KCNQ1: variants seen among roughly 807,000 people sequenced by gnomAD.
The protein encoded by KCNQ1 is potassium voltage-gated channel subfamily KQT member 1.
Under a neutral mutation model 72.4 loss-of-function variants are expected in KCNQ1, and 49 were observed. The ratio of observed to expected loss-of-function variants is 0.68; its 90% CI spans 0.54 to 0.86. KCNQ1 has a LOEUF of 0.86. Among genes scored for constraint, KCNQ1 ranks in the 40% least tolerant of loss-of-function variants. KCNQ1 has a pLI of 0.00. For synonymous variants in KCNQ1, 450 were observed against 412.6 expected, an observed-to-expected ratio of 1.09 and a Z score of -1.10; for missense variants, 790 against 945.1, an observed-to-expected ratio of 0.84 and a Z score of 2.15.
At position 2,698,591 on chromosome 11, in the gene KCNQ1, G is replaced by A; in HGVS notation, c.1514+36510G>A. ...GACTCAGAATCCCCACCTAGAGGCA[G>A]AACTTCGACTTCAATTCCTGACTCC... On this transcript the variant is annotated intron_variant, in intron 11 of 15. Coordinates refer to ENST00000155840, the MANE Select transcript of KCNQ1 (RefSeq NM_000218.3). This position sits in a 1 kb window ranked among gnomAD's most constrained non-coding sequence, Gnocchi z 5.1. 2 of 398,170 alleles carry A rather than the reference G, an allele frequency of 5.0e-6. No individual in the cohort carries two copies. Among genetic ancestry groups the A allele is most frequent in the Non-Finnish European group, 8.8e-6 (2 of 226,030 alleles). 24.7% of individuals were successfully genotyped at this position (398,170 alleles called of 1,614,324 possible).
At position 2,462,326 on chromosome 11, in the gene KCNQ1, A is replaced by G. The variant is rs756780322; in HGVS notation, c.386+16842A>G. 2.0e-5 allele frequency among the ~76,000 whole-genome samples: 3 copies of G among 151,640 alleles called. No homozygotes were observed. The highest frequency in any genetic ancestry group is 6.6e-5 in the Admixed American group (1 of 15,238). Reference sequence around the variant, plus strand: ...GCCATCAGAGGCGATGTCTAGGGCCACCCCCTCTGACTTGCCTCCTCCTCC... The same window carrying G: ...GCCATCAGAGGCGATGTCTAGGGCCGCCCCCTCTGACTTGCCTCCTCCTCC... On this transcript the variant is annotated intron_variant, in intron 1 of 15. Coordinates refer to ENST00000155840, the MANE Select transcript of KCNQ1 (RefSeq NM_000218.3). The surrounding 1 kb of genome is among the most constrained non-coding windows in gnomAD (Gnocchi z 8.2).
rs181299502 is a variant in KCNQ1 at position 2,649,259 on chromosome 11, T to A, written c.1394-12702T>A. 8.2e-4 allele frequency: 328 copies of A among 398,480 alleles called. No homozygotes were observed. Among genetic ancestry groups the A allele is most frequent in the Middle Eastern group, 3.8e-3 (6 of 1,586 alleles). 24.7% of individuals were successfully genotyped at this position (398,480 alleles called of 1,614,324 possible). On this transcript the variant is annotated intron_variant, in intron 10 of 15. Coordinates refer to ENST00000155840, the MANE Select transcript of KCNQ1 (RefSeq NM_000218.3). Reference sequence around the variant, plus strand: ...GACTTACTCCTGTCATTTTATTGTTTTCTGACTGATTTGTATACTTTTGTT... The same window carrying A: ...GACTTACTCCTGTCATTTTATTGTTATCTGACTGATTTGTATACTTTTGTT...
intron 11 of KCNQ1, chr11:2,667,961 G>T: frequency 2.5e-6 from 1 of 398,674 alleles, no homozygotes. Context: ...CCCCCAGAAA[G>T]CCTCTCAGGC....
intron 11 of KCNQ1, chr11:2,684,705 CGGAG>C: frequency 2.5e-6 from 1 of 398,556 alleles, no homozygotes; most frequent in East Asian, 3.6e-5. Flanking sequence ...CTTGCTCAGG[CGGAG>C]GGGCCTGGAG....
At chr11:2,680,872 C>A (rs1256389141) in intron 11 of KCNQ1, 4 of 398,482 alleles carry the variant, frequency 1.0e-5, no homozygotes, top group Non-Finnish European at 1.8e-5. Context: ...CCTGAAGATT[C>A]ACCCAGGTTA....
rs2133779339 is a variant in KCNQ1 at position 2,603,192 on chromosome 11, C to T, written c.1393+14338C>T. Among the ~76,000 whole-genome samples the T allele has an allele frequency of 6.6e-6, 1 of 152,278 alleles. No homozygotes were observed. The highest frequency in any genetic ancestry group is 1.9e-4 in the East Asian group (1 of 5,182). On this transcript the variant is annotated intron_variant, in intron 10 of 15. Transcript: ENST00000155840. The surrounding 1 kb of genome is among the most constrained non-coding windows in gnomAD (Gnocchi z 4.1). ...GTCACACAAATTTTTTGGTTTGCCA[C>T]TGCATATAAAAGTTATGTTTATATT... is the stretch of plus-strand genomic sequence containing the variant.
chr11:2,835,049 G>A (rs975466777), intron 15 of KCNQ1, among the ~76,000 whole-genome samples: 1 of 151,948 alleles, frequency 6.6e-6, no homozygotes, highest in Non-Finnish European at 1.5e-5. Flanking sequence ...AGAAGCGGGG[G>A]AGGGAGGGAG....
At chr11:2,511,693 A>G (rs1847207314) in intron 1 of KCNQ1, among the ~76,000 whole-genome samples, 1 of 152,210 alleles carries the variant, frequency 6.6e-6, no homozygotes, top group Non-Finnish European at 1.5e-5. Flanking sequence ...CCTGTTGCAA[A>G]ATTAGCCACT....
rs1458511867 is a variant in KCNQ1 at position 2,676,653 on chromosome 11, T to G, written c.1514+14572T>G. On this transcript the variant is annotated intron_variant, in intron 11 of 15. Coordinates refer to ENST00000155840, the MANE Select transcript of KCNQ1 (RefSeq NM_000218.3). This position sits in a 1 kb window ranked among gnomAD's most constrained non-coding sequence, Gnocchi z 4.2. ...CACAGATTCACAGATAGATAGTTCA[T>G]TAAGGTCTTGAGTATTTCCAAGGGA... The G allele has an allele frequency of 2.5e-6, 1 of 398,522 alleles. No homozygotes were observed. Among genetic ancestry groups the G allele is most frequent in the Middle Eastern group, 6.2e-4 (1 of 1,610 alleles). 24.7% of individuals were successfully genotyped at this position (398,522 alleles called of 1,614,324 possible). A position where few individuals can be genotyped will look rare whatever the true frequency, so the allele number is the denominator to read the frequency against.
chr11:2,609,195 G>A, intron 10 of KCNQ1: 4 of 398,150 alleles, frequency 1.0e-5, no homozygotes, highest in Admixed American at 4.4e-5. Flanking sequence ...TGCTTTAAAT[G>A]TATCCCATAA....
chr11:2,489,341 A>G (rs1846796261), intron 1 of KCNQ1, among the ~76,000 whole-genome samples: 1 of 152,204 alleles, frequency 6.6e-6, no homozygotes, highest in Non-Finnish European at 1.5e-5. Flanking sequence ...CCCAGCACAG[A>G]GGGAGCATTT....
intron 1 of KCNQ1, among the ~76,000 whole-genome samples, chr11:2,522,307 G>A (rs1005856544): frequency 1.3e-5 from 2 of 151,986 alleles, no homozygotes; most frequent in African/African-American, 2.4e-5. Flanking sequence ...CCACCCCTTC[G>A]CTAGCCTGTC....
rs1018561428 is a variant in KCNQ1, at chr11:2,745,625, G to A, written c.1515-23219G>A. On this transcript the variant is annotated intron_variant, in intron 11 of 15. Transcript: ENST00000155840. This position sits in a 1 kb window ranked among gnomAD's most constrained non-coding sequence, Gnocchi z 6.2. ...GTTCTTGCCTCATGTCTTCAGGTGC[G>A]GGGCTGGCAGAGGCTGGGGTTACCT... Among the ~76,000 whole-genome samples the A allele has an allele frequency of 1.5e-4, 23 of 152,342 alleles. No individual in the cohort carries two copies. The highest frequency in any genetic ancestry group is 5.1e-4 in the African/African-American group (21 of 41,576).
Position 2,559,475 on chromosome 11 carries a change from C to T in KCNQ1, c.478-11153C>T, listed in dbSNP as rs1460009055. On this transcript the variant is annotated intron_variant, in intron 2 of 15. Coordinates refer to ENST00000155840, the MANE Select transcript of KCNQ1 (RefSeq NM_000218.3). The surrounding 1 kb of genome is among the most constrained non-coding windows in gnomAD (Gnocchi z 4.9). ...CTCCTGAGAGTCTCCCCAGACAGCC[C>T]ACAGGGGACACTGGGCCTCATGCCG... Among the ~76,000 whole-genome samples, 1 of 152,176 alleles carries T rather than the reference C, an allele frequency of 6.6e-6. No homozygotes were observed. Among genetic ancestry groups the T allele is most frequent in the African/African-American group, 2.4e-5 (1 of 41,440 alleles).
chr11:2,468,207 T>C lies in KCNQ1; in HGVS notation c.386+22723T>C, dbSNP rs960499095. 6.6e-6 allele frequency among the ~76,000 whole-genome samples: 1 copy of C among 152,198 alleles called. No homozygotes were observed. Among genetic ancestry groups the C allele is most frequent in the Non-Finnish European group, 1.5e-5 (1 of 68,032 alleles). On this transcript the variant is annotated intron_variant, in intron 1 of 15. Coordinates refer to ENST00000155840, the MANE Select transcript of KCNQ1 (RefSeq NM_000218.3). This position sits in a 1 kb window ranked among gnomAD's most constrained non-coding sequence, Gnocchi z 5.7. ...GTCACTTAGGCTAAGAGTGCAGTGG[T>C]GTGATCTTGGTTCACTGCAGCCTCG...
Position 2,445,303 on chromosome 11 carries a change from G to A in KCNQ1, c.205G>A (p.Ala69Thr). 2 of 1,429,288 alleles carry A rather than the reference G, an allele frequency of 1.4e-6. No individual in the cohort carries two copies. Among genetic ancestry groups the A allele is most frequent in the South Asian group, 1.5e-5 (1 of 67,720 alleles). 88.5% of individuals were successfully genotyped at this position (1,429,288 alleles called of 1,614,324 possible). A position where few individuals can be genotyped will look rare whatever the true frequency, so the allele number is the denominator to read the frequency against. Residue 69 changes from alanine (A) to threonine (T), a missense_variant, in exon 1 of 16, where the codon GCG becomes ACG. Physicochemically the swap from Ala to Thr is moderately conservative, Grantham distance 58. This residue lies in a region of KCNQ1 where 294 missense variants were observed against 323.3 expected (regional missense o/e 0.91). Transcript: ENST00000155840. ...TCCCGCGCCCCCTGCGTCCCCGGCC[G>A]CGCCCGCCGCGCCCCCAGTTGCCTC... is the stretch of plus-strand genomic sequence containing the variant. ...PGPAPPASPAAPAAPPVASDL... is the reference protein window; with the variant it reads ...PGPAPPASPATPAAPPVASDL...
At chr11:2,775,881 A>G in intron 12 of KCNQ1, 79 bp from the exon 13 acceptor site, 1 of 1,376,106 alleles carries the variant, frequency 7.3e-7, no homozygotes, top group East Asian at 2.5e-5. Context: ...CCGAGGGCAG[A>G]CACTGTCACT....
intron 1 of KCNQ1, among the ~76,000 whole-genome samples, chr11:2,453,831 A>G (rs1490942405): frequency 3.3e-5 from 5 of 152,248 alleles, no homozygotes; most frequent in Admixed American, 2.6e-4. Context: ...GAAAACTGCA[A>G]ATGCCCATTG....
intron 15 of KCNQ1, among the ~76,000 whole-genome samples, chr11:2,831,975 C>A (rs561126795): frequency 2.5e-4 from 38 of 152,212 alleles, no homozygotes; most frequent in African/African-American, 9.2e-4. Context: ...GCCCGTGTAC[C>A]AGGAGCCTCT....
Sources: gnomAD v4.1 joint callset for allele counts (sites outside exome capture counted in the v4.1 genomes callset) on GRCh38, gnomAD v4.1.1 for gene constraint, gnomAD v4.1.1 regional missense constraint, Gnocchi (gnomAD v3.1) non-coding constraint, MANE v1.5 for transcripts, NCBI Gene and HGNC (gene_info 2026-07-23, HGNC 2026-07-21) for gene names.